Variants in CD177 observed in about 807,000 individuals in gnomAD.
The protein encoded by CD177 is CD177 molecule, also known as CD177 antigen.
Under a neutral mutation model 38.1 loss-of-function variants are expected in CD177, and 41 were observed. The observed-to-expected ratio is 1.07, with a 90% CI of 0.84 to 1.39. The LOEUF (loss-of-function observed/expected upper bound fraction) is 1.39, where lower values mean the gene tolerates loss of function less well. Among genes scored for constraint, CD177 ranks in the 40% most tolerant of loss-of-function variants. CD177 has a pLI of 0.00. For missense variants in CD177, 619 were observed against 523.8 expected, an observed-to-expected ratio of 1.18 and a Z score of -1.77; for synonymous variants, 236 against 216.7, an observed-to-expected ratio of 1.09 and a Z score of -0.78.
At position 43,362,354 on chromosome 19, in the gene CD177, A is replaced by G. The variant is rs760598327; in HGVS notation, c.*34A>G. On this transcript the variant is annotated 3_prime_UTR_variant, in exon 9 of 9. Transcript: ENST00000618265. ...CCCCCACGATTCTTCACCGCTGCTGACCACCCACACTCAACCTCCCTCTGA... is the reference window on the plus strand; with the variant it reads ...CCCCCACGATTCTTCACCGCTGCTGGCCACCCACACTCAACCTCCCTCTGA... 5.1e-6 allele frequency: 5 copies of G among 986,112 alleles called. No individual in the cohort carries two copies. In the South Asian group the frequency reaches 6.2e-5, roughly 12 times the overall value. The allele number at this position is 986,112 out of a possible 1,614,324, so 61.1% of individuals were successfully genotyped here. A position where few individuals can be genotyped will look rare whatever the true frequency, so the allele number is the denominator to read the frequency against.
intron 2 of CD177, 67 bp from the exon 3 acceptor site, chr19:43,354,140 C>A: frequency 6.4e-7 from 1 of 1,571,470 alleles, no homozygotes; most frequent in South Asian, 1.1e-5. Context: ...CGCCGTGTAG[C>A]AGCGTCTCCC....
Position 43,360,257 on chromosome 19 carries a change from C to G in CD177, c.620-8C>G. 1 of 1,612,528 alleles carries G rather than the reference C, an allele frequency of 6.2e-7. No individual in the cohort carries two copies. Among genetic ancestry groups the G allele is most frequent in the Non-Finnish European group, 8.5e-7 (1 of 1,179,364 alleles). The stretch of plus-strand genomic sequence containing the variant: ...GGCTTACACACACCCTGGGATTCCT[C>G]TCCCCAGATTTTCTGACCTGTCATC... On this transcript the variant is annotated splice_polypyrimidine_tract_variant and splice_region_variant and intron_variant, in intron 5 of 8. Transcript: ENST00000618265.
In CD177 at chr19:43,360,250, GA is replaced by G. The variant is rs1568444456; in HGVS notation, c.620-14del. Reference sequence around the variant, plus strand: ...GGTTCCTGGCTTACACACACCCTGGGATTCCTCTCCCCAGATTTTCTGACCT... The same window carrying G: ...GGTTCCTGGCTTACACACACCCTGGGTTCCTCTCCCCAGATTTTCTGACCT... On this transcript the variant is annotated splice_polypyrimidine_tract_variant and intron_variant, in intron 5 of 8. Coordinates refer to ENST00000618265, the MANE Select transcript of CD177 (RefSeq NM_020406.4). 1 of 1,612,168 alleles carries G rather than the reference GA, an allele frequency of 6.2e-7. No individual in the cohort carries two copies. The highest frequency in any genetic ancestry group is 2.2e-5 in the East Asian group (1 of 44,820).
At chr19:43,361,423 C>T in intron 7 of CD177, 22 bp from the exon 8 acceptor site, 2 of 1,595,244 alleles carry the variant, frequency 1.3e-6, no homozygotes, top group South Asian at 2.3e-5. Context: ...TCATGTACCC[C>T]CACCTTCCCT....
At chr19:43,360,668 C>G in intron 6 of CD177, 1 of 466,990 alleles carries the variant, frequency 2.1e-6, no homozygotes, top group Non-Finnish European at 3.8e-6. Flanking sequence ...GTGCCAACAC[C>G]GAGGACTCTC....
chr19:43,354,522 C>T (rs970629034), intron 3 of CD177, 130 bp downstream of exon 3: 3 of 899,866 alleles, frequency 3.3e-6, no homozygotes, highest in African/African-American at 1.6e-5. Flanking sequence ...CATCCCTCCC[C>T]TGACTGCTCC....
chr19:43,354,427 C>T, intron 3 of CD177, 35 bp downstream of exon 3: 1 of 1,606,682 alleles, frequency 6.2e-7, no homozygotes, highest in Non-Finnish European at 8.5e-7. Flanking sequence ...GAGGGAGGGG[C>T]TGCTAGAAGG....
downstream of CD177, among the ~76,000 whole-genome samples, chr19:43,365,961 G>T (rs1052442391): frequency 2.6e-5 from 4 of 152,122 alleles, no homozygotes; most frequent in Admixed American, 2.6e-4. Context: ...AGAGCACCCG[G>T]CCCTGAACTT....
At chr19:43,365,832 C>G (rs1332254740), downstream of CD177, among the ~76,000 whole-genome samples, 1 of 149,502 alleles carries the variant, frequency 6.7e-6, no homozygotes, top group Non-Finnish European at 1.5e-5. Context: ...AGGACAGGTG[C>G]CATGGGAGCC....
intron 5 of CD177, 132 bp from the exon 6 acceptor site, chr19:43,360,133 G>A (rs1437111855): frequency 4.6e-6 from 5 of 1,082,618 alleles, no homozygotes; most frequent in African/African-American, 3.2e-5. Context: ...CTGAATCCTT[G>A]GTTAAGGGAA....
chr19:43,353,871 G>C lies in CD177; in HGVS notation c.71G>C (p.Cys24Ser). The C allele has an allele frequency of 6.2e-7, 1 of 1,613,850 alleles. No individual in the cohort carries two copies. The highest frequency in any genetic ancestry group is 2.2e-5 in the East Asian group (1 of 44,856). ...LPLPGVQALL[C>S]QFGTVQHVWK... The stretch of plus-strand genomic sequence containing the variant: ...ACTCCAGGAGTGCAGGCGCTGCTCT[G>C]CCAGTTTGGGACAGTTCAGCATGTG... Residue 24 changes from cysteine (C) to serine (S), a missense_variant, in exon 2 of 9, where the codon TGC (cysteine) becomes TCC (serine). Coordinates refer to ENST00000618265, the MANE Select transcript of CD177 (RefSeq NM_020406.4).
intron 3 of CD177, among the ~76,000 whole-genome samples, chr19:43,354,840 T>C (rs1003347863): frequency 6.6e-6 from 1 of 152,252 alleles, no homozygotes; most frequent in African/African-American, 2.4e-5. Context: ...GCTTCTTTTA[T>C]TGGAACAGCT....
downstream of CD177, among the ~76,000 whole-genome samples, chr19:43,364,533 C>G (rs1415975847): frequency 2.7e-5 from 4 of 149,288 alleles, no homozygotes; most frequent in Non-Finnish European, 5.9e-5. Context: ...CCCGACCTCC[C>G]TCTGTAATCA....
Position 43,353,747 on chromosome 19 carries a change from G to A in CD177, c.33G>A (p.Gly11=). MSAVLLLALL[G]FILPLPGVQA... ...CGGTATTACTGCTGGCCCTCCTGGG[G>A]TTCATCCTCCCACTGCCAGGTGAGT... The change falls in exon 1 of 9, where the codon GGG becomes GGA. Residue 11 remains glycine, a synonymous_variant. Transcript: ENST00000618265. 1 of 1,613,954 alleles carries A rather than the reference G, an allele frequency of 6.2e-7. No homozygotes were observed. The highest frequency in any genetic ancestry group is 2.2e-5 in the East Asian group (1 of 44,876).
chr19:43,361,814 T>C (rs1969971722), intron 8 of CD177, among the ~76,000 whole-genome samples: 1 of 127,890 alleles, frequency 7.8e-6, no homozygotes, highest in South Asian at 2.6e-4. Context: ...CCTGGACTCC[T>C]GGTCTGAGGG....
At chr19:43,354,155 G>A (rs913228649) in intron 2 of CD177, 52 bp from the exon 3 acceptor site, 5 of 1,584,742 alleles carry the variant, frequency 3.2e-6, no homozygotes, top group Non-Finnish European at 4.3e-6. Context: ...TCTCCCTCCA[G>A]GACCCTGGAG....
rs1303246526 is a variant in CD177, at chr19:43,361,235, G to T, written c.853G>T (p.Val285Leu). 41 of 1,540,650 alleles carry T rather than the reference G, an allele frequency of 2.7e-5. No homozygotes were observed. Among genetic ancestry groups the T allele is most frequent in the African/African-American group, 1.9e-4 (14 of 73,442 alleles). ...KTTIHSAPPG[V>L]LVASYTHFCS... ...CACCATCCACTCAGCCCCTCCTGGG[G>T]TGCTTGTGGCCTCCTATACCCACTT... The change falls in exon 7 of 9, where the codon GTG becomes TTG. Residue 285 changes from valine (V) to leucine (L), a missense_variant. Val to Leu is a conservative substitution (Grantham distance 32, BLOSUM62 1). Transcript: ENST00000618265.
At chr19:43,355,440 T>G (rs1211025723) in intron 3 of CD177, 1 of 527,656 alleles carries the variant, frequency 1.9e-6, no homozygotes, top group Non-Finnish European at 3.6e-6. Context: ...CAGCCCTGGG[T>G]GCCTCTACCC....
At chr19:43,363,811 G>A (rs1307740092), downstream of CD177, among the ~76,000 whole-genome samples, 2 of 152,202 alleles carry the variant, frequency 1.3e-5, no homozygotes, top group South Asian at 2.1e-4. Flanking sequence ...GTCCAGGACG[G>A]GCTCGGTGGC....
Sources: allele counts gnomAD v4.1 joint callset (sites outside exome capture counted in the v4.1 genomes callset), GRCh38; gene constraint gnomAD v4.1.1; transcripts MANE v1.5; gene names NCBI Gene and HGNC (gene_info 2026-07-23, HGNC 2026-07-21).